Variants in DDB1 observed in about 807,000 individuals in gnomAD.
DDB1 encodes damage specific DNA binding protein 1, also known as DNA damage-binding protein 1.
DDB1 carries 18 observed loss-of-function variants against 133.1 expected under a neutral mutation model. The ratio of observed to expected loss-of-function variants is 0.14; its 90% CI spans 0.09 to 0.20. DDB1 has a LOEUF of 0.20. Among genes scored for constraint, DDB1 ranks in the 10% least tolerant of loss-of-function variants. The pLI is 1.00. For missense variants in DDB1, 828 were observed against 1,459.2 expected (o/e 0.57, Z 7.05); for synonymous variants, 580 against 550.5 (o/e 1.05, Z -0.75).
At chr11:61,300,965 CAGG>C in intron 25 of DDB1, 33 bp from the exon 26 acceptor site, 1 of 1,612,828 alleles carries the variant, frequency 6.2e-7, no homozygotes, top group Non-Finnish European at 8.5e-7. Context: ...ACGTGCTTAT[CAGG>C]AAACACCCTC....
intron 2 of DDB1, among the ~76,000 whole-genome samples, chr11:61,331,160 T>A (rs1031660071): frequency 5.9e-5 from 9 of 152,198 alleles, no homozygotes; most frequent in Non-Finnish European, 1.2e-4. Context: ...TTCTCCCTTC[T>A]AAAGAAGTCA....
intron 6 of DDB1, among the ~76,000 whole-genome samples, chr11:61,324,864 T>G (rs933385080): frequency 6.6e-6 from 1 of 152,186 alleles, no homozygotes; most frequent in Non-Finnish European, 1.5e-5. Flanking sequence ...TTGCCAAAAT[T>G]ACGGCTGGGC....
chr11:61,318,358 C>T (rs1392284208), intron 10 of DDB1, among the ~76,000 whole-genome samples: 1 of 152,168 alleles, frequency 6.6e-6, no homozygotes, highest in African/African-American at 2.4e-5. Flanking sequence ...AAGTAAATCG[C>T]TAACTGCTGT....
chr11:61,329,723 C>T, intron 3 of DDB1, 139 bp from the exon 4 acceptor site: 1 of 811,260 alleles, frequency 1.2e-6, no homozygotes, highest in Non-Finnish European at 1.9e-6. Flanking sequence ...ATAGTTGGAG[C>T]CCCAATGTCA....
intron 8 of DDB1, 71 bp from the exon 9 acceptor site, chr11:61,322,483 T>A (rs972671848): frequency 1.7e-6 from 2 of 1,161,276 alleles, no homozygotes; most frequent in Non-Finnish European, 2.6e-6. Context: ...AGATGGTTAT[T>A]GTCCAAAAGA....
rs1391598651 is a variant in DDB1 at position 61,316,353 on chromosome 11, G to A, written c.1342C>T (p.Leu448=). 3.1e-6 allele frequency: 5 copies of A among 1,614,050 alleles called. No homozygotes were observed. Among genetic ancestry groups the A allele is most frequent in the Non-Finnish European group, 4.2e-6 (5 of 1,180,054 alleles). ...TGCTGATCATCCACGAAACCCATCA[G>A]TTCGGTTTCTTCTACCTCCTCTCCA... ...LNGEEVEETE[L]MGFVDDQQTF... The change falls in exon 12 of 27, where the codon CTG becomes TTG. Residue 448 remains leucine (L), a synonymous_variant. Coordinates refer to ENST00000301764, the MANE Select transcript of DDB1 (RefSeq NM_001923.5).
chr11:61,309,310 C>G (rs745588894), intron 20 of DDB1, among the ~76,000 whole-genome samples: 3 of 152,158 alleles, frequency 2.0e-5, no homozygotes, highest in Non-Finnish European at 4.4e-5. Context: ...CCCTGAAACT[C>G]TAGATCTCTC....
intron 10 of DDB1, among the ~76,000 whole-genome samples, 167 bp from the exon 11 acceptor site, chr11:61,316,734 C>A (rs904220096): frequency 6.6e-6 from 1 of 151,288 alleles, no homozygotes; most frequent in Middle Eastern, 3.4e-3. Flanking sequence ...CCAGCCTGGG[C>A]AAAATGGAGA....
chr11:61,310,242 A>T, intron 19 of DDB1, 53 bp downstream of exon 19: 1 of 1,577,252 alleles, frequency 6.3e-7, no homozygotes, highest in African/African-American at 1.3e-5. Context: ...AGCCCAGAAC[A>T]GCCTGGATTA....
intron 1 of DDB1, chr11:61,332,705 G>A (rs1590705254): frequency 2.3e-6 from 1 of 440,548 alleles, no homozygotes; most frequent in South Asian, 5.0e-5. Context: ...GGGGACCCTC[G>A]AGAGCGGCTT....
At chr11:61,332,860 C>T in intron 1 of DDB1, 48 bp downstream of exon 1, 1 of 1,398,354 alleles carries the variant, frequency 7.2e-7, no homozygotes, top group South Asian at 1.5e-5. Context: ...GGCCGCGGCT[C>T]CCCCCAACTC....
intron 8 of DDB1, chr11:61,322,679 G>C (rs1856201883): frequency 5.5e-6 from 3 of 543,012 alleles, no homozygotes; most frequent in African/African-American, 1.9e-5. Context: ...AATGTAAAAT[G>C]TTTGCATGCA....
chr11:61,329,536 G>A lies in DDB1; in HGVS notation c.376C>T (p.Pro126Ser). 6.2e-7 allele frequency: 1 copy of A among 1,614,140 alleles called. No individual in the cohort carries two copies. The highest frequency in any genetic ancestry group is 8.5e-7 in the Non-Finnish European group (1 of 1,180,016). The change falls in exon 4 of 27, where the codon CCT becomes TCT. Residue 126 changes from proline (P) to serine (S), a missense_variant. Physicochemically the swap from Pro to Ser is moderately conservative, Grantham distance 74. This residue lies in a region of DDB1 where 210 missense variants were observed against 344.8 expected (regional missense o/e 0.61). Transcript: ENST00000301764. ...SETGIIGIIDPECRMIGLRLY... is the reference protein window; with the variant it reads ...SETGIIGIIDSECRMIGLRLY... ...CGCAGGCCAATCATCCGGCACTCAG[G>A]GTCAATGATGCCAATAATGCCGGTC...
intron 21 of DDB1, among the ~76,000 whole-genome samples, chr11:61,306,388 C>G (rs1268238999): frequency 6.6e-6 from 1 of 152,200 alleles, no homozygotes; most frequent in Non-Finnish European, 1.5e-5. Context: ...ACTCCCTCCC[C>G]TGAAACACCA....
intron 2 of DDB1, among the ~76,000 whole-genome samples, chr11:61,330,433 A>G (rs568918662): frequency 1.3e-4 from 20 of 152,216 alleles, no homozygotes; most frequent in African/African-American, 4.8e-4. Context: ...AAGAAAGAGG[A>G]AAAAAAATGT....
intron 10 of DDB1, among the ~76,000 whole-genome samples, chr11:61,316,996 T>TATAG (rs1856095970): frequency 4.3e-5 from 4 of 92,250 alleles, no homozygotes; most frequent in Non-Finnish European, 4.8e-5. Context: ...TATATATATA[T>TATAG]ATAGACATGG....
At position 61,303,849 on chromosome 11, in the gene DDB1, C is replaced by G; in HGVS notation, c.2832+16G>C. ...CTCAAGCAAGAAGTCTGCTCGCATC[C>G]CCCCACCAGCATCACCTCTTCAAAG... On this transcript the variant is annotated intron_variant, in intron 22 of 26. Transcript: ENST00000301764. 4.3e-6 allele frequency: 7 copies of G among 1,613,364 alleles called. No homozygotes were observed. Among genetic ancestry groups the G allele is most frequent in the Non-Finnish European group, 5.9e-6 (7 of 1,179,692 alleles).
rs778820024 is a variant in DDB1 at position 61,314,473 on chromosome 11, G to A, written c.1424C>T (p.Ser475Leu). 5.2e-5 allele frequency: 83 copies of A among 1,611,428 alleles called. No homozygotes were observed. Among genetic ancestry groups the A allele is most frequent in the East Asian group, 4.5e-5 (2 of 44,894 alleles). The change falls in exon 13 of 27, where the codon TCG (serine) becomes TTG (leucine). Residue 475 changes from serine (S) to leucine (L), a missense_variant. This residue lies in a region of DDB1 where 396 missense variants were observed against 554.1 expected (regional missense o/e 0.71). Coordinates refer to ENST00000301764, the MANE Select transcript of DDB1 (RefSeq NM_001923.5). ...HQQLIQITSA[S>L]VRLVSQEPKA... ...GGGTTCTTGAGAGACCAACCTCACC[G>A]ATGCTGAAGTGATCTAGATAAACAG...
At chr11:61,327,512 A>G (rs1394214726) in intron 4 of DDB1, 1 of 153,732 alleles carries the variant, frequency 6.5e-6, no homozygotes, top group Admixed American at 6.4e-5. Flanking sequence ...GAAACTTACA[A>G]AACAGCTAAG....
Sources: gnomAD v4.1 joint callset for allele counts (sites outside exome capture counted in the v4.1 genomes callset) on GRCh38, gnomAD v4.1.1 for gene constraint, gnomAD v4.1.1 regional missense constraint, MANE v1.5 for transcripts, NCBI Gene and HGNC (gene_info 2026-07-23, HGNC 2026-07-21) for gene names.